The following GOLGA4 variants were observed in gnomAD, a reference collection of about 807,000 sequenced individuals.
GOLGA4 encodes golgin A4.
In GOLGA4, 169 loss-of-function variants were observed where a neutral mutation model predicts 265.9. The ratio of observed to expected loss-of-function variants is 0.64; its 90% confidence interval spans 0.56 to 0.72. The LOEUF is 0.72. GOLGA4 is among the 30% of genes least tolerant of loss of function. The pLI, the probability that GOLGA4 is intolerant of heterozygous loss-of-function variation, is 0.00. For synonymous variants in GOLGA4, 923 were observed against 855.8 expected, an observed-to-expected ratio of 1.08 and a Z score of -1.37; for missense variants, 2,482 against 2,483.4, an observed-to-expected ratio of 1.00 and a Z score of 0.01.
chr3:37,335,014 T>TA, intron 16 of GOLGA4, 39 bp from the exon 17 acceptor site: 1 of 1,310,124 alleles, frequency 7.6e-7, no homozygotes, highest in Non-Finnish European at 1.1e-6. Flanking sequence ...TGCTTCTTTT[T>TA]TTTCTTTTCC....
intron 10 of GOLGA4, among the ~76,000 whole-genome samples, chr3:37,310,077 A>G (rs1435050081): frequency 1.2e-4 from 18 of 152,342 alleles, no homozygotes; most frequent in South Asian, 6.2e-4. Flanking sequence ...GCATTGGCTT[A>G]CTTACTCATT....
chr3:37,279,014 G>T (rs2096827368), intron 2 of GOLGA4, among the ~76,000 whole-genome samples: 1 of 152,004 alleles, frequency 6.6e-6, no homozygotes, highest in Non-Finnish European at 1.5e-5. Flanking sequence ...CTGAAAAGTT[G>T]ATTGTTGAGT....
chr3:37,352,653 A>G (rs1323859487), intron 21 of GOLGA4, among the ~76,000 whole-genome samples: 2 of 152,066 alleles, frequency 1.3e-5, no homozygotes, highest in Non-Finnish European at 2.9e-5. Flanking sequence ...CCTTCATAGA[A>G]TTGAAGGGAA....
At chr3:37,317,613 CCT>C (rs1234857284) in intron 11 of GOLGA4, among the ~76,000 whole-genome samples, 1 of 152,012 alleles carries the variant, frequency 6.6e-6, no homozygotes, top group Non-Finnish European at 1.5e-5. Flanking sequence ...CAATTTATAC[CCT>C]GACAAGCAAT....
rs1253075849 is a variant in GOLGA4 at position 37,260,523 on chromosome 3, C to T, written c.162+9039C>T. The stretch of plus-strand genomic sequence containing the variant: ...TGTTGGCGGGCACCTGTAATCCCAG[C>T]TACTCAGGAGGCTGAGGCGGGAGAA... On this transcript the variant is annotated intron_variant, in intron 2 of 23. Coordinates refer to ENST00000361924, the MANE Select transcript of GOLGA4 (RefSeq NM_002078.5). Among the ~76,000 whole-genome samples, 3 of 152,196 alleles carry T rather than the reference C, an allele frequency of 2.0e-5. No individual in the cohort carries two copies. In the South Asian group the frequency reaches 6.2e-4, roughly 32 times the overall value.
At chr3:37,248,052 A>G (rs1191500890) in intron 1 of GOLGA4, among the ~76,000 whole-genome samples, 6 of 152,176 alleles carry the variant, frequency 3.9e-5, no homozygotes, top group Non-Finnish European at 5.9e-5. Flanking sequence ...GTAATATAAC[A>G]ATTATGAGAG....
At position 37,347,187 on chromosome 3, in the gene GOLGA4, T is replaced by C; in HGVS notation, c.6473-6T>C. Reference sequence around the variant, plus strand: ...TTACAGTTTGATCTATTTTTTTATTTGGCAGGTGGCAATTTGTACCATACG... The same window carrying C: ...TTACAGTTTGATCTATTTTTTTATTCGGCAGGTGGCAATTTGTACCATACG... On this transcript the variant is annotated splice_polypyrimidine_tract_variant and splice_region_variant and intron_variant, in intron 20 of 23. Transcript: ENST00000361924. 3 of 1,575,822 alleles carry C rather than the reference T, an allele frequency of 1.9e-6. No individual in the cohort carries two copies. Among genetic ancestry groups the C allele is most frequent in the South Asian group, 2.2e-5 (2 of 89,636 alleles).
At position 37,366,261 on chromosome 3, in the gene GOLGA4, A is replaced by G; in HGVS notation, c.*215A>G. 2.1e-6 allele frequency: 1 copy of G among 477,630 alleles called. No individual in the cohort carries two copies. Among genetic ancestry groups the G allele is most frequent in the Non-Finnish European group, 3.7e-6 (1 of 273,802 alleles). The allele number at this position is 477,630 out of a possible 1,614,324, so 29.6% of individuals were successfully genotyped here. On this transcript the variant is annotated 3_prime_UTR_variant, in exon 24 of 24. Coordinates refer to ENST00000361924, the MANE Select transcript of GOLGA4 (RefSeq NM_002078.5). ...GACTGCCTTTAAAATAGATTTTATC[A>G]GTGGAGAAATGGTGATAGTTTTTTC...
intron 11 of GOLGA4, among the ~76,000 whole-genome samples, chr3:37,317,628 A>AT (rs1192886452): frequency 6.6e-6 from 1 of 152,228 alleles, no homozygotes; most frequent in Non-Finnish European, 1.5e-5. Flanking sequence ...CAAGCAATGT[A>AT]TTAGAATATA....
At chr3:37,359,836 A>C (rs2097099938) in intron 22 of GOLGA4, among the ~76,000 whole-genome samples, 1 of 152,216 alleles carries the variant, frequency 6.6e-6, no homozygotes. Flanking sequence ...CAGAAGATGC[A>C]TGCAAGGTGG....
chr3:37,318,138 A>T (rs2150939145), intron 11 of GOLGA4, among the ~76,000 whole-genome samples: 1 of 151,972 alleles, frequency 6.6e-6, no homozygotes, highest in African/African-American at 2.4e-5. Flanking sequence ...TTCAACTTAA[A>T]TTTTTCCCAG....
chr3:37,346,403 T>C (rs1365060441), intron 20 of GOLGA4, among the ~76,000 whole-genome samples: 1 of 152,228 alleles, frequency 6.6e-6, no homozygotes, highest in Non-Finnish European at 1.5e-5. Flanking sequence ...TTTTGGGCTG[T>C]ATAGAAATGA....
At chr3:37,301,891 C>T (rs1378856135) in intron 9 of GOLGA4, among the ~76,000 whole-genome samples, 1 of 152,116 alleles carries the variant, frequency 6.6e-6, no homozygotes, top group Non-Finnish European at 1.5e-5. Context: ...TGGGTTCAAG[C>T]AATTCTCCTG....
chr3:37,356,288 C>A (rs2097090867), intron 22 of GOLGA4, among the ~76,000 whole-genome samples: 1 of 152,092 alleles, frequency 6.6e-6, no homozygotes, highest in African/African-American at 2.4e-5. Context: ...ACAAGGTCAG[C>A]CCTGAAGGGA....
In GOLGA4 at chr3:37,328,557, A is replaced by T. The variant is rs773822259; in HGVS notation, c.6061+20A>T. On this transcript the variant is annotated intron_variant, in intron 15 of 23. Coordinates refer to ENST00000361924, the MANE Select transcript of GOLGA4 (RefSeq NM_002078.5). ...CTATCAGTAAGTAAAATTAAGTTCC[A>T]TAAGGAACAATTATATCAGCAGAGG... The T allele has an allele frequency of 3.1e-6, 5 of 1,598,928 alleles. No individual in the cohort carries two copies. The Admixed American group carries it at 5.1e-5, about 16-fold the overall frequency.
intron 2 of GOLGA4, among the ~76,000 whole-genome samples, chr3:37,256,106 C>T (rs777525639): frequency 2.0e-5 from 3 of 152,036 alleles, no homozygotes; most frequent in Non-Finnish European, 2.9e-5. Context: ...TATGTGTATC[C>T]GGTTGTCTCA....
At chr3:37,272,194 T>C (rs1430645629) in intron 2 of GOLGA4, among the ~76,000 whole-genome samples, 1 of 152,138 alleles carries the variant, frequency 6.6e-6, no homozygotes, top group African/African-American at 2.4e-5. Flanking sequence ...CCCCGGTCTG[T>C]AGAAAAATTG....
chr3:37,282,043 C>G lies in GOLGA4; in HGVS notation c.248C>G (p.Ser83Cys), dbSNP rs767021654. The change falls in exon 3 of 24, where the codon TCT becomes TGT. Residue 83 changes from serine to cysteine, a missense_variant. Physicochemically the swap from Ser to Cys is moderately radical, Grantham distance 112. Coordinates refer to ENST00000361924, the MANE Select transcript of GOLGA4 (RefSeq NM_002078.5). The part of the protein sequence containing the change: ...ESLFRSPIKE[S>C]LFRSSSKESL... Reference sequence around the variant, plus strand: ...TTGTTTCGAAGTCCGATAAAGGAATCTCTATTCCGGTCTTCTTCTAAAGAG... The same window carrying G: ...TTGTTTCGAAGTCCGATAAAGGAATGTCTATTCCGGTCTTCTTCTAAAGAG... The G allele has an allele frequency of 1.7e-5, 28 of 1,613,720 alleles. No homozygotes were observed. The highest frequency in any genetic ancestry group is 2.7e-5 in the African/African-American group (2 of 74,926).
chr3:37,312,523 CTTT>C (rs779584541), intron 10 of GOLGA4, among the ~76,000 whole-genome samples: 6 of 139,010 alleles, frequency 4.3e-5, no homozygotes, highest in African/African-American at 1.1e-4. Flanking sequence ...GAATAGGAAT[CTTT>C]TTTTTTTTTT....
Sources: gnomAD v4.1 joint callset for allele counts (sites outside exome capture counted in the v4.1 genomes callset) on GRCh38, gnomAD v4.1.1 for gene constraint, MANE v1.5 for transcripts, NCBI Gene and HGNC (gene_info 2026-07-23, HGNC 2026-07-21) for gene names.